The following ZNF385D variants were observed in gnomAD, a reference collection of about 807,000 sequenced individuals.
The protein encoded by ZNF385D is zinc finger protein 659.
A neutral mutation model predicts 35.8 loss-of-function variants in ZNF385D; 15 were observed. That is an observed-to-expected ratio of 0.42 (90% confidence interval 0.28 to 0.64). ZNF385D has a LOEUF of 0.64. Ranked by LOEUF, ZNF385D falls within the 30% of genes least tolerant of loss-of-function variation. The pLI is 0.23. For synonymous variants in ZNF385D, 212 were observed against 186.8 expected, an observed-to-expected ratio of 1.13 and a Z score of -1.10; for missense variants, 474 against 494.6, an observed-to-expected ratio of 0.96 and a Z score of 0.39.
intron 4 of ZNF385D, among the ~76,000 whole-genome samples, chr3:21,470,512 G>A (rs1307531890): frequency 6.6e-6 from 1 of 152,012 alleles, no homozygotes; most frequent in African/African-American, 2.4e-5. Flanking sequence ...ACTATCAAAA[G>A]ACATTACTCA....
chr3:22,301,320 T>C (rs527351863), intron 2 of ZNF385D, among the ~76,000 whole-genome samples: 3 of 152,132 alleles, frequency 2.0e-5, no homozygotes, highest in South Asian at 4.1e-4. Flanking sequence ...GGTCAAATAA[T>C]ACAAGATTTC....
In ZNF385D at chr3:21,597,593, T is replaced by TA. The variant is rs879552541; in HGVS notation, c.166-32910dup. Among the ~76,000 whole-genome samples the TA allele has an allele frequency of 8.7e-4, 132 of 151,734 alleles. 3 individuals are homozygous for TA. The highest frequency in any genetic ancestry group is 5.6e-3 in the Admixed American group (85 of 15,224). On this transcript the variant is annotated intron_variant, in intron 2 of 7. Transcript: ENST00000281523. ...CAGACTTGAGAATTAGGTAGGACCA[T>TA]AAAAAAAATGGAAGGAGTGGTGTGA... is the stretch of plus-strand genomic sequence containing the variant.
intron 3 of ZNF385D, among the ~76,000 whole-genome samples, chr3:22,107,042 T>TTTTTC (rs10688533): frequency 6.7e-6 from 1 of 149,388 alleles, no homozygotes; most frequent in Non-Finnish European, 1.5e-5. Context: ...TTTTTTTTTT[T>TTTTTC]AGACAGAGTT....
chr3:22,370,540 C>G (rs542780126), intron 2 of ZNF385D, among the ~76,000 whole-genome samples: 5 of 152,144 alleles, frequency 3.3e-5, no homozygotes, highest in Non-Finnish European at 7.3e-5. Flanking sequence ...ATTACAATCA[C>G]TGTATGAATT....
At chr3:22,264,649 C>G (rs1276886169) in intron 2 of ZNF385D, among the ~76,000 whole-genome samples, 1 of 151,924 alleles carries the variant, frequency 6.6e-6, no homozygotes, top group African/African-American at 2.4e-5. Context: ...TAATATGGGT[C>G]TCCCTACTGC....
At chr3:21,478,518 A>T (rs114360215) in intron 4 of ZNF385D, among the ~76,000 whole-genome samples, 12 of 152,336 alleles carry the variant, frequency 7.9e-5, no homozygotes, top group African/African-American at 2.9e-4. Flanking sequence ...AGTCATATTG[A>T]GCAGAGCCAC....
intron 2 of ZNF385D, among the ~76,000 whole-genome samples, chr3:22,190,989 G>A (rs905681660): frequency 1.3e-5 from 2 of 152,014 alleles, no homozygotes; most frequent in African/African-American, 2.4e-5. Context: ...TTACATGGCT[G>A]TTATTCATCT....
intron 3 of ZNF385D, among the ~76,000 whole-genome samples, chr3:22,071,432 C>G (rs1042190974): frequency 6.6e-6 from 1 of 152,142 alleles, no homozygotes; most frequent in African/African-American, 2.4e-5. Context: ...CTAGAGGTCA[C>G]TAGGTGATTG....
intron 3 of ZNF385D, among the ~76,000 whole-genome samples, chr3:21,925,705 A>G (rs990540511): frequency 6.6e-6 from 1 of 152,178 alleles, no homozygotes; most frequent in Non-Finnish European, 1.5e-5. Flanking sequence ...GACTCTGAGA[A>G]AATATTTACA....
chr3:21,989,510 C>G (rs979853352), intron 3 of ZNF385D, among the ~76,000 whole-genome samples: 3 of 152,070 alleles, frequency 2.0e-5, no homozygotes, highest in East Asian at 1.9e-4. Context: ...AATTATCATT[C>G]TCTCAAAAGG....
chr3:22,341,936 A>T (rs940111566), intron 2 of ZNF385D, among the ~76,000 whole-genome samples: 2 of 152,170 alleles, frequency 1.3e-5, no homozygotes, highest in African/African-American at 4.8e-5. Flanking sequence ...GCTTTCAGAA[A>T]AGTGCCAAGT....
rs553440840 is a variant in ZNF385D, at chr3:22,370,480, TTC to T, written c.106+1968_106+1969del. Among the ~76,000 whole-genome samples the T allele has an allele frequency of 9.7e-3, 1,474 of 152,356 alleles. 12 individuals carry two copies. The highest frequency in any genetic ancestry group is 0.017 in the Middle Eastern group (5 of 294). ...TTATTTCACATCTACAAATTCTGCA[TTC>T]TGTTATATTAAATACCTGAAATGGT... On this transcript the variant is annotated intron_variant, in intron 2 of 5. Transcript: ENST00000494108.
chr3:22,123,982 A>ATATG (rs1703273050), intron 3 of ZNF385D, among the ~76,000 whole-genome samples: 5 of 139,668 alleles, frequency 3.6e-5, no homozygotes, highest in Non-Finnish European at 6.2e-5. Context: ...ATATATATAT[A>ATATG]TATATATTGC....
Position 21,795,768 on chromosome 3 carries a change from C to T in ZNF385D, c.326-130740G>A, listed in dbSNP as rs191254270. Among the ~76,000 whole-genome samples, 647 of 152,248 alleles carry T rather than the reference C, an allele frequency of 4.2e-3. 7 individuals carry two copies. Among genetic ancestry groups the T allele is most frequent in the African/African-American group, 0.015 (616 of 41,550 alleles). On this transcript the variant is annotated intron_variant, in intron 3 of 5. Transcript: ENST00000494108. ...AAAAAATAAAATAAAAAGCTTTTCT[C>T]CCACTAATGCCACTTCAGATTATAG...
intron 1 of ZNF385D, among the ~76,000 whole-genome samples, chr3:21,712,848 G>C (rs1254389578): frequency 6.6e-6 from 1 of 152,118 alleles, no homozygotes; most frequent in Non-Finnish European, 1.5e-5. Context: ...TTTACTGTCA[G>C]TGAATTAATT....
At chr3:22,101,848 T>C (rs1701960547) in intron 3 of ZNF385D, among the ~76,000 whole-genome samples, 1 of 151,932 alleles carries the variant, frequency 6.6e-6, no homozygotes, top group Non-Finnish European at 1.5e-5. Flanking sequence ...AATCATCTGG[T>C]GACTATATAT....
intron 3 of ZNF385D, among the ~76,000 whole-genome samples, chr3:21,877,331 G>A (rs775216491): frequency 2.8e-4 from 42 of 151,988 alleles, no homozygotes; most frequent in Non-Finnish European, 3.7e-4. Context: ...CAGTGGCCTG[G>A]AATTTTGATC....
At chr3:21,858,047 A>C (rs1158968845) in intron 3 of ZNF385D, among the ~76,000 whole-genome samples, 1 of 151,796 alleles carries the variant, frequency 6.6e-6, no homozygotes, top group Non-Finnish European at 1.5e-5. Flanking sequence ...CTGTAGCTCC[A>C]GCTACTCGGG....
intron 3 of ZNF385D, among the ~76,000 whole-genome samples, chr3:21,522,242 A>G (rs1264918285): frequency 6.6e-6 from 1 of 152,210 alleles, no homozygotes; most frequent in Non-Finnish European, 1.5e-5. Flanking sequence ...GACATTTTAT[A>G]TGCAAAATCT....
Sources: allele counts gnomAD v4.1 joint callset (sites outside exome capture counted in the v4.1 genomes callset), GRCh38; gene constraint gnomAD v4.1.1; transcripts MANE v1.5; gene names NCBI Gene and HGNC (gene_info 2026-07-23, HGNC 2026-07-21).